Variants in DRD2 observed in about 807,000 individuals in gnomAD.
DRD2 encodes dopamine receptor D2.
DRD2 carries 8 observed loss-of-function variants against 38.0 expected under a neutral mutation model. The observed-to-expected ratio is 0.21, with a 90% CI of 0.12 to 0.38. DRD2 has a LOEUF of 0.38. Ranked by LOEUF, DRD2 falls within the 10% of genes least tolerant of loss-of-function variation. The pLI is 1.00. For missense variants in DRD2, 403 were observed against 607.7 expected (o/e 0.66, Z 3.54); for synonymous variants, 230 against 238.6 (o/e 0.96, Z 0.33).
At chr11:113,415,386 G>A in intron 5 of DRD2, 35 bp downstream of exon 5, 2 of 1,590,746 alleles carry the variant, frequency 1.3e-6, no homozygotes, top group Non-Finnish European at 1.7e-6. Context: ...GGTTAGGTGG[G>A]GACCCTTGGA....
chr11:113,411,262 C>G (rs775183437), intron 7 of DRD2, among the ~76,000 whole-genome samples: 18 of 152,166 alleles, frequency 1.2e-4, no homozygotes, highest in Non-Finnish European at 2.2e-4. Context: ...TCTTTGAGGG[C>G]TATAGACCCA....
intron 1 of DRD2, among the ~76,000 whole-genome samples, chr11:113,474,668 C>T (rs1951462508): frequency 6.6e-6 from 1 of 151,838 alleles, no homozygotes; most frequent in Non-Finnish European, 1.5e-5. Flanking sequence ...ACTCTGGCCG[C>T]GAGCCCCGGG....
chr11:113,457,132 A>G (rs902025165), intron 1 of DRD2, among the ~76,000 whole-genome samples: 6 of 152,166 alleles, frequency 3.9e-5, no homozygotes, highest in Admixed American at 3.9e-4. Flanking sequence ...GTACGTAGGT[A>G]GCGGCCGGGA....
intron 2 of DRD2, among the ~76,000 whole-genome samples, chr11:113,423,938 C>T (rs982102247): frequency 1.3e-5 from 2 of 152,114 alleles, no homozygotes; most frequent in Admixed American, 6.5e-5. Flanking sequence ...GGATCCTTGC[C>T]GGTTACTCCT....
intron 1 of DRD2, among the ~76,000 whole-genome samples, chr11:113,471,999 A>C (rs1591307304): frequency 6.6e-6 from 1 of 152,164 alleles, no homozygotes; most frequent in Non-Finnish European, 1.5e-5. Context: ...TAAAACCTCA[A>C]CTTGATTCTT....
At chr11:113,414,757 A>T (rs1950807223) in intron 5 of DRD2, among the ~76,000 whole-genome samples, 1 of 152,222 alleles carries the variant, frequency 6.6e-6, no homozygotes, top group Non-Finnish European at 1.5e-5. Context: ...CCACCCTGTG[A>T]GGCTGGTATT....
chr11:113,435,475 G>T (rs914872488), intron 1 of DRD2, among the ~76,000 whole-genome samples: 25 of 152,254 alleles, frequency 1.6e-4, no homozygotes, highest in Non-Finnish European at 7.4e-5. Flanking sequence ...CAGCTCACGT[G>T]CACTGCAGAA....
At chr11:113,474,890 T>G (rs1489897983) in intron 1 of DRD2, among the ~76,000 whole-genome samples, 186 bp downstream of exon 1, 7 of 152,114 alleles carry the variant, frequency 4.6e-5, no homozygotes, top group Non-Finnish European at 7.4e-5. Flanking sequence ...AGCCGCGGGC[T>G]CCAGACGCCC....
intron 1 of DRD2, among the ~76,000 whole-genome samples, chr11:113,443,246 A>T (rs1951110152): frequency 6.6e-6 from 1 of 151,984 alleles, no homozygotes; most frequent in African/African-American, 2.4e-5. Flanking sequence ...GCCTTCTGTG[A>T]TCTATTTTTG....
intron 1 of DRD2, among the ~76,000 whole-genome samples, chr11:113,471,156 T>C (rs1163148053): frequency 6.6e-6 from 1 of 152,236 alleles, no homozygotes; most frequent in Non-Finnish European, 1.5e-5. Flanking sequence ...AATCAAGCTA[T>C]TTTCCAGGCC....
chr11:113,461,898 C>T (rs2119964620), intron 1 of DRD2, among the ~76,000 whole-genome samples: 1 of 152,270 alleles, frequency 6.6e-6, no homozygotes, highest in East Asian at 1.9e-4. Flanking sequence ...GCCCAATCAC[C>T]ACCCTCACAG....
At chr11:113,428,869 C>A (rs1278985359) in intron 1 of DRD2, among the ~76,000 whole-genome samples, 1 of 152,188 alleles carries the variant, frequency 6.6e-6, no homozygotes, top group African/African-American at 2.4e-5. Flanking sequence ...TCAAGAGATA[C>A]TCCTGCCTTG....
chr11:113,466,000 C>A (rs1234128063), intron 1 of DRD2, among the ~76,000 whole-genome samples: 1 of 152,212 alleles, frequency 6.6e-6, no homozygotes, highest in Non-Finnish European at 1.5e-5. Flanking sequence ...AAAACCCAAT[C>A]AGGTAAGTAT....
rs1264633433 is a variant in DRD2, at chr11:113,412,686, C to G, written c.1008G>C (p.Lys336Asn). Residue 336 changes from lysine (K) to asparagine (N), a missense_variant, in exon 7 of 8, where the codon AAG (lysine) becomes AAC (asparagine). By Grantham distance (94) the Lys-to-Asn change is moderately conservative (BLOSUM62 0). Around this residue, in one of 4 missense-constraint regions of DRD2, gnomAD observed 166 missense variants for 178.6 expected, o/e 0.93. Transcript: ENST00000362072. ...TCTGGATCTCAAAGATCTTGGCAAT[C>G]TTGGGGTGGTCTTTGGCATGCCCAT... ...EKNGHAKDHP[K>N]IAKIFEIQTM... 1 of 1,614,202 alleles carries G rather than the reference C, an allele frequency of 6.2e-7. No homozygotes were observed. Among genetic ancestry groups the G allele is most frequent in the South Asian group, 1.1e-5 (1 of 91,080 alleles).
intron 1 of DRD2, among the ~76,000 whole-genome samples, chr11:113,467,120 CAT>C (rs1951377930): frequency 6.6e-6 from 1 of 152,146 alleles, no homozygotes; most frequent in South Asian, 2.1e-4. Context: ...CTTGTCAACA[CAT>C]GTCTCTTATT....
At position 113,431,519 on chromosome 11, in the gene DRD2, C is replaced by G. The variant is rs1044189675; in HGVS notation, c.-31-6837G>C. 3.9e-5 allele frequency among the ~76,000 whole-genome samples: 6 copies of G among 152,350 alleles called. No individual in the cohort carries two copies. In the East Asian group the frequency reaches 1.2e-3, roughly 29 times the overall value. On this transcript the variant is annotated intron_variant, in intron 1 of 7. Transcript: ENST00000362072. ...GATCTCCTCATCTGTCTCCAGGACT[C>G]TTTGCTCTGCCCTAGCTCAGAAGGG...
intron 1 of DRD2, among the ~76,000 whole-genome samples, chr11:113,441,441 C>T (rs574990172): frequency 1.3e-5 from 2 of 152,290 alleles, no homozygotes; most frequent in Admixed American, 6.5e-5. Flanking sequence ...GTTGGGCTCA[C>T]ATAGCATTGT....
rs1950797979 is a variant in DRD2 at position 113,414,148 on chromosome 11, G to A, written c.810+227C>T. On this transcript the variant is annotated intron_variant, in intron 6 of 7. Coordinates refer to ENST00000362072, the MANE Select transcript of DRD2 (RefSeq NM_000795.4). ...CATTATTATCATTTTTATTACGTTGGTATGGCCAACCATTTTCTCGTACAC... is the reference window on the plus strand; with the variant it reads ...CATTATTATCATTTTTATTACGTTGATATGGCCAACCATTTTCTCGTACAC... The A allele has an allele frequency of 5.0e-6, 3 of 605,610 alleles. No homozygotes were observed. In the Admixed American group the frequency reaches 8.0e-5, roughly 16 times the overall value. 37.5% of individuals were successfully genotyped at this position (605,610 alleles called of 1,614,324 possible).
chr11:113,473,573 C>T (rs1951449100), intron 1 of DRD2, among the ~76,000 whole-genome samples: 1 of 152,160 alleles, frequency 6.6e-6, no homozygotes. Context: ...TACCCTGGCC[C>T]TCATTTGGTT....
Sources: gnomAD v4.1 joint callset for allele counts (sites outside exome capture counted in the v4.1 genomes callset) on GRCh38, gnomAD v4.1.1 for gene constraint, gnomAD v4.1.1 regional missense constraint, MANE v1.5 for transcripts, NCBI Gene and HGNC (gene_info 2026-07-23, HGNC 2026-07-21) for gene names.